Variants in MSN observed in about 807,000 individuals in gnomAD.
The protein encoded by MSN is epididymis luminal protein 70.
MSN carries 2 observed loss-of-function variants against 48.0 expected under a neutral mutation model. That is an observed-to-expected ratio of 0.04 (90% CI 0.02 to 0.13). The LOEUF is 0.13. Among genes scored for constraint, MSN ranks in the 10% least tolerant of loss-of-function variants. The pLI is 1.00. For missense variants in MSN, 267 were observed against 470.1 expected (o/e 0.57, Z 3.99); for synonymous variants, 146 against 166.9 (o/e 0.87, Z 0.97).
intron 1 of MSN, among the ~76,000 whole-genome samples, chrX:65,615,217 C>A (rs1319270740): frequency 9.1e-6 from 1 of 109,410 alleles, no homozygotes; most frequent in Non-Finnish European, 1.9e-5. Flanking sequence ...TGGGTATATA[C>A]CCAGTAATGG....
At chrX:65,700,567 C>T (rs1205629674) in intron 1 of MSN, among the ~76,000 whole-genome samples, 1 of 111,433 alleles carries the variant, frequency 9.0e-6, no homozygotes, top group Non-Finnish European at 1.9e-5. Context: ...GGTCAGCCAC[C>T]TTTTGGCTGA....
chrX:65,735,571 A>G, intron 8 of MSN, 141 bp downstream of exon 8: 1 of 765,946 alleles, frequency 1.3e-6, no homozygotes, highest in Non-Finnish European at 1.8e-6. Flanking sequence ...ACATTTATTC[A>G]GAAAAAATCT....
At chrX:65,612,452 G>A (rs953750291) in intron 1 of MSN, among the ~76,000 whole-genome samples, 1 of 111,540 alleles carries the variant, frequency 9.0e-6, no homozygotes, top group Non-Finnish European at 1.9e-5. Flanking sequence ...TTGCTGAGCT[G>A]TAGCAATTCT....
intron 1 of MSN, among the ~76,000 whole-genome samples, chrX:65,601,242 T>C (rs1287168728): frequency 9.0e-6 from 1 of 111,699 alleles, no homozygotes; most frequent in African/African-American, 3.3e-5. Flanking sequence ...TGCTCTCATC[T>C]GCACTGTGTG....
chrX:65,656,265 C>CTGTGTGAG (rs2070780366), intron 1 of MSN, among the ~76,000 whole-genome samples: 1 of 92,820 alleles, frequency 1.1e-5, no homozygotes, highest in Non-Finnish European at 2.2e-5. Flanking sequence ...AGATCTATGC[C>CTGTGTGAG]TGTGTGTGTG....
chrX:65,619,870 G>A (rs2148359436), intron 1 of MSN, among the ~76,000 whole-genome samples: 1 of 109,594 alleles, frequency 9.1e-6, no homozygotes, highest in Non-Finnish European at 1.9e-5. Flanking sequence ...TGATGGTGAT[G>A]TACAGATGGG....
Position 65,735,285 on chromosome X carries a change from C to T in MSN, c.814C>T (p.Pro272Ser), listed in dbSNP as rs945420266. The part of the protein sequence containing the change: ...KKAPDFVFYA[P>S]RLRINKRILA... ...CCACCAGGACTTCGTCTTCTATGCT[C>T]CCCGGCTGCGGATTAACAAGCGGAT... is the stretch of plus-strand genomic sequence containing the variant. Residue 272 changes from proline to serine, a missense_variant, in exon 8 of 13, where the codon CCC becomes TCC. Pro to Ser is a moderately conservative substitution (Grantham distance 74). Coordinates refer to ENST00000360270, the MANE Select transcript of MSN (RefSeq NM_002444.3). 5 of 1,209,186 alleles carry T rather than the reference C, an allele frequency of 4.1e-6. No individual in the cohort carries two copies. The African/African-American group carries it at 5.2e-5, about 13-fold the overall frequency.
chrX:65,740,987 G>A lies in MSN; in HGVS notation c.*1094G>A. 1 of 170,633 alleles carries A rather than the reference G, an allele frequency of 5.9e-6. No individual in the cohort carries two copies. The highest frequency in any genetic ancestry group is 1.1e-5 in the Non-Finnish European group (1 of 88,540). The allele number at this position is 170,633 out of a possible 1,213,427, so 14.1% of individuals were successfully genotyped here. A position where few individuals can be genotyped will look rare whatever the true frequency, so the allele number is the denominator to read the frequency against. The stretch of plus-strand genomic sequence containing the variant: ...GCCAGTAGGCTCAACTAGGGAGTGA[G>A]TGCAAAAAGCTGAGTATGGTGAGAG... On this transcript the variant is annotated 3_prime_UTR_variant, in exon 13 of 13. Transcript: ENST00000360270.
chrX:65,694,781 A>G lies in MSN; in HGVS notation c.13-22037A>G, dbSNP rs182697310. ...GAGAATCCATGTGGGTGTATCTATC[A>G]CTTTGTAAAGAGGAACTCCAGCTCT... On this transcript the variant is annotated intron_variant, in intron 1 of 12. Coordinates refer to ENST00000360270, the MANE Select transcript of MSN (RefSeq NM_002444.3). 1.3e-3 allele frequency among the ~76,000 whole-genome samples: 150 copies of G among 111,967 alleles called. 1 individual carries two copies. Among genetic ancestry groups the G allele is most frequent in the Middle Eastern group, 4.6e-3 (1 of 216 alleles).
chrX:65,645,461 C>A (rs928147407), intron 1 of MSN, among the ~76,000 whole-genome samples: 2 of 92,319 alleles, frequency 2.2e-5, no homozygotes, highest in East Asian at 7.7e-4. Flanking sequence ...CAAAGCATTG[C>A]GGGGGCACAG....
upstream of MSN, chrX:65,667,529 T>TGCGCCGGGCCTGGCC (rs1451747434): frequency 2.3e-5 from 15 of 648,079 alleles, no homozygotes; most frequent in Admixed American, 9.1e-4. Flanking sequence ...GTGGCCTGGC[T>TGCGCCGGGCCTGGCC]GCGCCGGGCC....
At chrX:65,611,450 G>C (rs1023463431) in intron 1 of MSN, among the ~76,000 whole-genome samples, 23 of 111,776 alleles carry the variant, frequency 2.1e-4, no homozygotes, top group African/African-American at 7.5e-4. Context: ...GTGAGCCACT[G>C]TGCCTGGCCA....
chrX:65,599,951 G>T (rs1306223802), intron 1 of MSN, among the ~76,000 whole-genome samples: 1 of 110,280 alleles, frequency 9.1e-6, no homozygotes, highest in Admixed American at 9.7e-5. Flanking sequence ...AGGATGGATT[G>T]GAGAAAAGAT....
At chrX:65,613,677 G>C (rs757096912) in intron 1 of MSN, among the ~76,000 whole-genome samples, 22 of 112,198 alleles carry the variant, frequency 2.0e-4, no homozygotes, top group African/African-American at 3.2e-4. Flanking sequence ...CTTCTTTTGA[G>C]AAGTATCTGT....
intron 2 of MSN, among the ~76,000 whole-genome samples, chrX:65,722,105 A>G (rs1375410402): frequency 9.0e-6 from 1 of 111,532 alleles, no homozygotes; most frequent in Non-Finnish European, 1.9e-5. Flanking sequence ...AAAACGATAA[A>G]AGAAAGAAAC....
chrX:65,604,221 G>T (rs2070260022), intron 1 of MSN, among the ~76,000 whole-genome samples: 1 of 111,845 alleles, frequency 8.9e-6, no homozygotes, highest in Non-Finnish European at 1.9e-5. Flanking sequence ...TCTATATCAT[G>T]CACTGGAGCA....
At chrX:65,696,196 C>T (rs748057830) in intron 1 of MSN, among the ~76,000 whole-genome samples, 1 of 108,367 alleles carries the variant, frequency 9.2e-6, no homozygotes, top group Non-Finnish European at 1.9e-5. Context: ...CTCCATCTGA[C>T]AAAAAAATGC....
At chrX:65,708,159 A>AT (rs2071380235) in intron 1 of MSN, among the ~76,000 whole-genome samples, 1 of 110,673 alleles carries the variant, frequency 9.0e-6, no homozygotes, top group African/African-American at 3.3e-5. Flanking sequence ...CCTAATTTTG[A>AT]TTTTTTTAAC....
At chrX:65,654,457 C>T (rs2070767565) in intron 1 of MSN, among the ~76,000 whole-genome samples, 1 of 109,607 alleles carries the variant, frequency 9.1e-6, no homozygotes, top group East Asian at 2.8e-4. Context: ...TATATATCCT[C>T]CTGGCCAAAA....
Sources: allele counts gnomAD v4.1 joint callset (sites outside exome capture counted in the v4.1 genomes callset), GRCh38; gene constraint gnomAD v4.1.1; transcripts MANE v1.5; gene names NCBI Gene and HGNC (gene_info 2026-07-23, HGNC 2026-07-21).